The following ASIC5 variants were observed in gnomAD, a reference collection of about 807,000 sequenced individuals.
ASIC5 encodes the protein acid sensing ion channel subunit family member 5.
ASIC5 carries 52 observed loss-of-function variants against 51.2 expected under a neutral mutation model. The ratio of observed to expected loss-of-function variants is 1.02; its 90% CI spans 0.81 to 1.28. ASIC5 has a LOEUF of 1.28. Ranked by LOEUF, ASIC5 falls within the 50% of genes most tolerant of loss-of-function variation. ASIC5 has a pLI of 0.00. For missense variants in ASIC5, 635 were observed against 595.0 expected (o/e 1.07, Z -0.70); for synonymous variants, 231 against 200.7 (o/e 1.15, Z -1.28).
intron 9 of ASIC5, 46 bp downstream of exon 9, chr4:155,831,778 T>C (rs369813981): frequency 1.4e-5 from 18 of 1,248,652 alleles, no homozygotes; most frequent in Non-Finnish European, 2.0e-5. Context: ...TGTCTCAAAA[T>C]AAATAAGTAA....
intron 3 of ASIC5, among the ~76,000 whole-genome samples, chr4:155,853,157 GA>G (rs2111255910): frequency 6.6e-6 from 1 of 152,092 alleles, no homozygotes; most frequent in East Asian, 1.9e-4. Context: ...TCTCTAACAT[GA>G]AATTTTTTGT....
chr4:155,845,225 T>C (rs1010092428), intron 4 of ASIC5, among the ~76,000 whole-genome samples: 2 of 152,140 alleles, frequency 1.3e-5, no homozygotes, highest in Non-Finnish European at 2.9e-5. Flanking sequence ...TAATGAGGTC[T>C]AAAAAGAATT....
At chr4:155,835,882 G>A (rs762291065) in intron 8 of ASIC5, among the ~76,000 whole-genome samples, 10 of 152,076 alleles carry the variant, frequency 6.6e-5, no homozygotes, top group Non-Finnish European at 1.3e-4. Flanking sequence ...ATCTAAGCAT[G>A]CTTTCCAAAT....
At chr4:155,836,975 C>T (rs1036377122) in intron 7 of ASIC5, 118 bp from the exon 8 acceptor site, 8 of 699,058 alleles carry the variant, frequency 1.1e-5, no homozygotes, top group African/African-American at 1.1e-4. Flanking sequence ...TTACCAACAA[C>T]AAATGGTGTT....
chr4:155,832,292 T>C (rs930324163), intron 8 of ASIC5, among the ~76,000 whole-genome samples: 2 of 152,226 alleles, frequency 1.3e-5, no homozygotes, highest in Non-Finnish European at 2.9e-5. Context: ...TAAGTCATGG[T>C]TTCCTCAAGA....
rs1192807793 is a variant in ASIC5, at chr4:155,836,720, T to G, written c.1204A>C (p.Lys402Gln). Residue 402 changes from lysine to glutamine, a missense_variant, in exon 8 of 10, where the codon AAG becomes CAG. Coordinates refer to ENST00000537611, the MANE Select transcript of ASIC5 (RefSeq NM_017419.3). ...PSQKALKYLS[K>Q]KLNQSRKYIR... ...TATTTCCGGCTTTGATTCAACTTCT[T>G]GGAAAGATATTTCAAAGCTTTTTGA... is the stretch of plus-strand genomic sequence containing the variant. 1 of 1,610,572 alleles carries G rather than the reference T, an allele frequency of 6.2e-7. No individual in the cohort carries two copies.
chr4:155,844,615 T>TTGTG (rs147269130), intron 4 of ASIC5, among the ~76,000 whole-genome samples: 52 of 150,506 alleles, frequency 3.5e-4, no homozygotes, highest in Non-Finnish European at 6.4e-4. Context: ...TCTTGTGGGG[T>TTGTG]TGTGTGTGTG....
intron 7 of ASIC5, among the ~76,000 whole-genome samples, chr4:155,837,868 G>C (rs1741022444): frequency 1.3e-5 from 2 of 151,510 alleles, no homozygotes; most frequent in African/African-American, 2.4e-5. Flanking sequence ...ACACTCTTCT[G>C]ACCTCCTTAT....
At position 155,863,539 on chromosome 4, in the gene ASIC5, T is replaced by C. The variant is rs777418238; in HGVS notation, c.256A>G (p.Asn86Asp). The change falls in exon 2 of 10, where the codon AAC (asparagine) becomes GAC (aspartate). Residue 86 changes from asparagine to aspartate, a missense_variant. Asn to Asp is a conservative substitution (Grantham distance 23). Transcript: ENST00000537611. ...VTWQIYIRLL[N>D]YFTWPTTTSI... ...GTTGTGGTTGGCCATGTGAAGTAGT[T>C]GAGCAAGCGAATGTAGATCTGCCAT... The C allele has an allele frequency of 6.2e-7, 1 of 1,613,784 alleles. No individual in the cohort carries two copies. Among genetic ancestry groups the C allele is most frequent in the Non-Finnish European group, 8.5e-7 (1 of 1,179,884 alleles).
At chr4:155,836,985 T>G (rs1171173999) in intron 7 of ASIC5, 128 bp from the exon 8 acceptor site, 2 of 627,578 alleles carry the variant, frequency 3.2e-6, no homozygotes, top group Admixed American at 3.3e-5. Flanking sequence ...CAAATGGTGT[T>G]TACTCTGAAA....
intron 8 of ASIC5, among the ~76,000 whole-genome samples, chr4:155,834,938 G>A (rs1044136841): frequency 6.6e-6 from 1 of 152,030 alleles, no homozygotes; most frequent in African/African-American, 2.4e-5. Flanking sequence ...GTCACAGGCT[G>A]CCTGACTCCA....
At chr4:155,831,539 A>C (rs1358751001) in intron 9 of ASIC5, among the ~76,000 whole-genome samples, 1 of 152,172 alleles carries the variant, frequency 6.6e-6, no homozygotes, top group Non-Finnish European at 1.5e-5. Context: ...CAGGAGGCCA[A>C]TGTGGGCGGA....
chr4:155,854,016 G>C, intron 3 of ASIC5, 61 bp downstream of exon 3: 2 of 1,283,040 alleles, frequency 1.6e-6, no homozygotes, highest in Non-Finnish European at 2.2e-6. Flanking sequence ...AGCTCAATGT[G>C]AAACAGTGCA....
At chr4:155,857,730 C>T (rs1322175592) in intron 2 of ASIC5, among the ~76,000 whole-genome samples, 1 of 152,028 alleles carries the variant, frequency 6.6e-6, no homozygotes, top group Non-Finnish European at 1.5e-5. Flanking sequence ...CCTGCCAAAA[C>T]AGATCCATTT....
chr4:155,850,109 A>AT (rs147406019), intron 4 of ASIC5, among the ~76,000 whole-genome samples: 12,089 of 149,976 alleles, frequency 0.081, 562 homozygotes, highest in Admixed American at 0.14. Flanking sequence ...TCTCCTAAAG[A>AT]TTTTTTTTTT....
chr4:155,859,899 A>G (rs991469302), intron 2 of ASIC5, among the ~76,000 whole-genome samples: 17 of 151,966 alleles, frequency 1.1e-4, no homozygotes, highest in Admixed American at 2.0e-4. Flanking sequence ...TCAGGGGAAG[A>G]CTCCTTTAAA....
intron 4 of ASIC5, among the ~76,000 whole-genome samples, chr4:155,846,366 G>A (rs1741242205): frequency 6.6e-6 from 1 of 152,082 alleles, no homozygotes; most frequent in Admixed American, 6.6e-5. Flanking sequence ...TACTTGTGTA[G>A]TTTTTAATAA....
intron 3 of ASIC5, among the ~76,000 whole-genome samples, chr4:155,852,644 T>C (rs1741410923): frequency 6.6e-6 from 1 of 152,044 alleles, no homozygotes. Context: ...TTCAGCATCC[T>C]TTCTTGGAGG....
intron 2 of ASIC5, among the ~76,000 whole-genome samples, chr4:155,859,849 C>T (rs1442206479): frequency 6.6e-6 from 1 of 151,962 alleles, no homozygotes; most frequent in Non-Finnish European, 1.5e-5. Flanking sequence ...GTGTAACAAC[C>T]TCAGGGCTCC....
Sources: gnomAD v4.1 joint callset for allele counts (sites outside exome capture counted in the v4.1 genomes callset) on GRCh38, gnomAD v4.1.1 for gene constraint, MANE v1.5 for transcripts, NCBI Gene and HGNC (gene_info 2026-07-23, HGNC 2026-07-21) for gene names.